Variants in IQCH observed in about 807,000 individuals in gnomAD.
IQCH encodes IQ motif containing H, also known as IQ domain-containing protein H.
In IQCH, 98 loss-of-function variants were observed where a neutral mutation model predicts 117.0. That is an observed-to-expected ratio of 0.84 (90% CI 0.71 to 0.99). The LOEUF (loss-of-function observed/expected upper bound fraction) is 0.99, where lower values mean the gene tolerates loss of function less well. IQCH is among the 50% of genes least tolerant of loss of function. The probability of loss-of-function intolerance (pLI) is 0.00; values close to 1 mark genes in which losing one functional copy is unlikely to be tolerated. For synonymous variants in IQCH, 412 were observed against 448.2 expected, an observed-to-expected ratio of 0.92 and a Z score of 1.02; for missense variants, 1,102 against 1,243.8, an observed-to-expected ratio of 0.89 and a Z score of 1.72.
chr15:67,383,018 T>C (rs761427284), intron 10 of IQCH, among the ~76,000 whole-genome samples: 8 of 152,204 alleles, frequency 5.3e-5, no homozygotes, highest in Non-Finnish European at 1.0e-4. Context: ...TAAAAAAATA[T>C]ATTGACTCCC....
chr15:67,277,193 T>C (rs1966158560), intron 3 of IQCH, among the ~76,000 whole-genome samples: 1 of 152,252 alleles, frequency 6.6e-6, no homozygotes, highest in Non-Finnish European at 1.5e-5. Context: ...CTGCTTACAT[T>C]ACCCATCTTG....
chr15:67,429,039 A>G (rs989390458), intron 16 of IQCH, among the ~76,000 whole-genome samples: 1 of 152,154 alleles, frequency 6.6e-6, no homozygotes, highest in Non-Finnish European at 1.5e-5. Context: ...CTCCAGGAGG[A>G]ACAAAGCCCT....
In IQCH at chr15:67,413,726, A is replaced by T. The variant is rs186258911; in HGVS notation, c.2098-3205A>T. Among the ~76,000 whole-genome samples, 1 of 152,220 alleles carries T rather than the reference A, an allele frequency of 6.6e-6. No individual in the cohort carries two copies. Among genetic ancestry groups the T allele is most frequent in the Admixed American group, 6.5e-5 (1 of 15,290 alleles). On this transcript the variant is annotated intron_variant, in intron 14 of 20. Transcript: ENST00000335894. This position sits in a 1 kb window ranked among gnomAD's most constrained non-coding sequence, Gnocchi z 5.0. ...TCTTAGAGAATGAATCATGGCCCCAAGCTGCCTCTGTGTGCCCCAGCATCC... is the reference window on the plus strand; with the variant it reads ...TCTTAGAGAATGAATCATGGCCCCATGCTGCCTCTGTGTGCCCCAGCATCC...
rs2081368320 is a variant in IQCH, at chr15:67,408,740, C to T, written c.2098-8191C>T. ...TGTGTTTCCTTTTGTTTTTAATTTT[C>T]AATTAAAGAGCTTTCATCAGCATAT... On this transcript the variant is annotated intron_variant, in intron 14 of 20. Transcript: ENST00000335894. The surrounding 1 kb of genome is among the most constrained non-coding windows in gnomAD (Gnocchi z 4.2). 6.6e-6 allele frequency among the ~76,000 whole-genome samples: 1 copy of T among 152,122 alleles called. No homozygotes were observed. The highest frequency in any genetic ancestry group is 1.5e-5 in the Non-Finnish European group (1 of 68,032).
chr15:67,392,951 T>C (rs1971335778), intron 12 of IQCH, among the ~76,000 whole-genome samples: 1 of 152,172 alleles, frequency 6.6e-6, no homozygotes, highest in Admixed American at 6.5e-5. Flanking sequence ...AAAATTGTGG[T>C]AAAATATATA....
At chr15:67,301,310 T>A (rs1377459528) in intron 4 of IQCH, among the ~76,000 whole-genome samples, 1 of 152,058 alleles carries the variant, frequency 6.6e-6, no homozygotes, top group Non-Finnish European at 1.5e-5. Context: ...TATAAGTATT[T>A]TCCCATACAT....
Position 67,500,805 on chromosome 15 carries a change from T to C in IQCH, c.*59T>C. The stretch of plus-strand genomic sequence containing the variant: ...AGTCTGGAATAAAAAGGGCAATTTT[T>C]TTTTCTGTTAGAAATAAAAGCCAGG... On this transcript the variant is annotated 3_prime_UTR_variant, in exon 21 of 21. Coordinates refer to ENST00000335894, the MANE Select transcript of IQCH (RefSeq NM_001031715.3). This position sits in a 1 kb window ranked among gnomAD's most constrained non-coding sequence, Gnocchi z 4.4. 1.2e-6 allele frequency: 1 copy of C among 851,462 alleles called. No homozygotes were observed. Among genetic ancestry groups the C allele is most frequent in the South Asian group, 1.9e-5 (1 of 51,526 alleles). The allele number at this position is 851,462 out of a possible 1,614,324, so 52.7% of individuals were successfully genotyped here.
chr15:67,485,904 G>A (rs557671520), intron 18 of IQCH, among the ~76,000 whole-genome samples: 74 of 152,058 alleles, frequency 4.9e-4, no homozygotes, highest in African/African-American at 1.7e-3. Context: ...TGATCGGCCC[G>A]CCTCAGCCTC....
In IQCH at chr15:67,473,291, T is replaced by C. The variant is rs1386156705; in HGVS notation, c.2677-2405T>C. On this transcript the variant is annotated intron_variant, in intron 17 of 20. Coordinates refer to ENST00000335894, the MANE Select transcript of IQCH (RefSeq NM_001031715.3). The surrounding 1 kb of genome is among the most constrained non-coding windows in gnomAD (Gnocchi z 4.9). Reference sequence around the variant, plus strand: ...AGGTGAGAGCATGGCCAGCCCAGTATGGCAGGGCGAGCAGGCCTTGTGGCC... The same window carrying C: ...AGGTGAGAGCATGGCCAGCCCAGTACGGCAGGGCGAGCAGGCCTTGTGGCC... Among the ~76,000 whole-genome samples the C allele has an allele frequency of 6.6e-6, 1 of 152,256 alleles. No homozygotes were observed. Among genetic ancestry groups the C allele is most frequent in the Non-Finnish European group, 1.5e-5 (1 of 68,042 alleles).
chr15:67,329,581 C>T (rs1204775986), intron 4 of IQCH, among the ~76,000 whole-genome samples: 1 of 152,108 alleles, frequency 6.6e-6, no homozygotes, highest in African/African-American at 2.4e-5. Context: ...AAGCAATCCT[C>T]TCACCTCACT....
chr15:67,321,418 TCTTC>T (rs758570645), intron 4 of IQCH, among the ~76,000 whole-genome samples: 6 of 152,170 alleles, frequency 3.9e-5, no homozygotes, highest in Admixed American at 6.5e-5. Context: ...GTATGCCTTT[TCTTC>T]CTTCCTTCCT....
rs112441826 is a variant in IQCH, at chr15:67,302,656, AGACCAGCCT to A, written c.387+23150_387+23158del. ...GGTGGATCACGAGGTCAGGAGTTCG[AGACCAGCCT>A]GACCAACATGGTGAAACCCTGTCTC... On this transcript the variant is annotated intron_variant, in intron 4 of 20. Transcript: ENST00000335894. Among the ~76,000 whole-genome samples, 3 of 152,332 alleles carry A rather than the reference AGACCAGCCT, an allele frequency of 2.0e-5. 1 individual carries two copies. The highest frequency in any genetic ancestry group is 7.2e-5 in the African/African-American group (3 of 41,584).
Position 67,490,121 on chromosome 15 carries a change from C to A in IQCH, c.2861+57C>A. 1 of 1,120,926 alleles carries A rather than the reference C, an allele frequency of 8.9e-7. No homozygotes were observed. 69.4% of individuals were successfully genotyped at this position (1,120,926 alleles called of 1,614,324 possible). A position where few individuals can be genotyped will look rare whatever the true frequency, so the allele number is the denominator to read the frequency against. Reference sequence around the variant, plus strand: ...AAGCTAAGGAAATAGACAATCACAACTAACAAGAATGATGCTTCTCATGCA... The same window carrying A: ...AAGCTAAGGAAATAGACAATCACAAATAACAAGAATGATGCTTCTCATGCA... On this transcript the variant is annotated intron_variant, in intron 19 of 20. Transcript: ENST00000335894. The surrounding 1 kb of genome is among the most constrained non-coding windows in gnomAD (Gnocchi z 4.9).
chr15:67,308,962 TC>T (rs1967449422), intron 4 of IQCH, among the ~76,000 whole-genome samples: 1 of 152,120 alleles, frequency 6.6e-6, no homozygotes, highest in African/African-American at 2.4e-5. Context: ...TCTGCCATGA[TC>T]CTGTATGCAT....
At chr15:67,297,957 A>G (rs1489106261) in intron 4 of IQCH, among the ~76,000 whole-genome samples, 2 of 152,132 alleles carry the variant, frequency 1.3e-5, no homozygotes, top group African/African-American at 4.8e-5. Flanking sequence ...AATAACCAGA[A>G]TATATTAGGA....
intron 1 of IQCH, chr15:67,255,166 T>C (rs1415108383): frequency 2.2e-5 from 13 of 593,778 alleles, no homozygotes; most frequent in Admixed American, 1.8e-4. Flanking sequence ...AAGCAGGACT[T>C]TCTGCCTCTG....
rs1463263242 is a variant in IQCH, at chr15:67,408,379, A to T, written c.2097+8074A>T. ...CCTCGGTGAGACAGGGATGCCCTTG[A>T]GAAAACTCAGACTTTCCTGTGACTG... On this transcript the variant is annotated intron_variant, in intron 14 of 20. Transcript: ENST00000335894. The surrounding 1 kb of genome is among the most constrained non-coding windows in gnomAD (Gnocchi z 4.2). The T allele has an allele frequency of 6.6e-6, 1 of 152,244 alleles. No individual in the cohort carries two copies. The highest frequency in any genetic ancestry group is 1.5e-5 in the Non-Finnish European group (1 of 68,054). The allele number at this position is 152,244 out of a possible 1,614,324, so 9.4% of individuals were successfully genotyped here.
At position 67,465,286 on chromosome 15, in the gene IQCH, C is replaced by A; in HGVS notation, c.2665C>A (p.Leu889Met). ...ERKKTKCMSA[L>M]SMPMLATSRY... The stretch of plus-strand genomic sequence containing the variant: ...GAAGAAAACCAAATGCATGAGTGCG[C>A]TGTCAATGCCGGTAAGCAAGAGGTG... Residue 889 changes from leucine (L) to methionine (M), a missense_variant, in exon 17 of 21, where the codon CTG (leucine) becomes ATG (methionine). Leu to Met is a conservative substitution (Grantham distance 15). This residue lies in a region of IQCH where 650 missense variants were observed against 794.3 expected (regional missense o/e 0.82). Coordinates refer to ENST00000335894, the MANE Select transcript of IQCH (RefSeq NM_001031715.3). The surrounding 1 kb of genome is among the most constrained non-coding windows in gnomAD (Gnocchi z 5.9). 1.2e-6 allele frequency: 2 copies of A among 1,613,446 alleles called. No individual in the cohort carries two copies. The highest frequency in any genetic ancestry group is 1.7e-6 in the Non-Finnish European group (2 of 1,179,910).
intron 4 of IQCH, among the ~76,000 whole-genome samples, chr15:67,296,262 G>A (rs1249985777): frequency 6.6e-6 from 1 of 152,200 alleles, no homozygotes; most frequent in Non-Finnish European, 1.5e-5. Context: ...TGAAGTTCAA[G>A]TTTGAATAAA....
Sources: gnomAD v4.1 joint callset for allele counts (sites outside exome capture counted in the v4.1 genomes callset) on GRCh38, gnomAD v4.1.1 for gene constraint, gnomAD v4.1.1 regional missense constraint, Gnocchi (gnomAD v3.1) non-coding constraint, MANE v1.5 for transcripts, NCBI Gene and HGNC (gene_info 2026-07-23, HGNC 2026-07-21) for gene names.